RSBN1: variants seen among roughly 807,000 people sequenced by gnomAD.
RSBN1 encodes the protein round spermatid basic protein 1, also known as lysine-specific demethylase 9.
In RSBN1, 23 loss-of-function variants were observed where a neutral mutation model predicts 74.8. The observed-to-expected ratio is 0.31, with a 90% CI of 0.22 to 0.44. The LOEUF (loss-of-function observed/expected upper bound fraction) is 0.44. RSBN1 is among the 20% of genes least tolerant of loss of function. The probability of loss-of-function intolerance (pLI) is 1.00; values close to 1 mark genes in which losing one functional copy is unlikely to be tolerated. For synonymous variants in RSBN1, 407 were observed against 379.6 expected (o/e 1.07, Z -0.84); for missense variants, 808 against 1,020.9 (o/e 0.79, Z 2.84).
At chr1:113,804,480 C>T (rs1012833578) in intron 1 of RSBN1, among the ~76,000 whole-genome samples, 1 of 152,146 alleles carries the variant, frequency 6.6e-6, no homozygotes, top group Admixed American at 6.5e-5. Flanking sequence ...TTCTAACATA[C>T]TGCACCCTAC....
intron 5 of RSBN1, among the ~76,000 whole-genome samples, chr1:113,767,535 G>A (rs1659803943): frequency 6.6e-6 from 1 of 152,070 alleles, no homozygotes; most frequent in Non-Finnish European, 1.5e-5. Flanking sequence ...AATATAAAAT[G>A]GTTTAGCCAC....
chr1:113,768,178 T>C (rs756984111), intron 5 of RSBN1, 44 bp downstream of exon 5: 8 of 1,525,536 alleles, frequency 5.2e-6, no homozygotes, highest in South Asian at 1.2e-5. Context: ...CACATTGTCT[T>C]ATACAATATT....
chr1:113,779,998 C>T (rs1192794247), intron 2 of RSBN1, among the ~76,000 whole-genome samples: 5 of 151,190 alleles, frequency 3.3e-5, no homozygotes, highest in South Asian at 2.1e-4. Context: ...CCAGCCTGGG[C>T]GACAGGGCAA....
At chr1:113,792,871 G>C (rs1660393783) in intron 2 of RSBN1, among the ~76,000 whole-genome samples, 1 of 152,050 alleles carries the variant, frequency 6.6e-6, no homozygotes, top group Non-Finnish European at 1.5e-5. Flanking sequence ...ACTTTATAAA[G>C]TTATCCTGTA....
At chr1:113,811,660 G>C (rs904065642) in intron 1 of RSBN1, 50 bp downstream of exon 1, 3 of 1,519,350 alleles carry the variant, frequency 2.0e-6, no homozygotes, top group Middle Eastern at 1.8e-4. Flanking sequence ...GCGGGATATC[G>C]GAACTGAGAG....
chr1:113,781,232 T>G (rs1660134139), intron 2 of RSBN1, among the ~76,000 whole-genome samples: 1 of 152,236 alleles, frequency 6.6e-6, no homozygotes. Context: ...TATACCTTTT[T>G]CACATAAGAA....
chr1:113,768,526 T>C, intron 4 of RSBN1, 137 bp from the exon 5 acceptor site: 2 of 569,516 alleles, frequency 3.5e-6, no homozygotes, highest in South Asian at 5.2e-5. Flanking sequence ...AAGGGTTCAA[T>C]GATTATGATC....
intron 1 of RSBN1, among the ~76,000 whole-genome samples, chr1:113,811,110 G>C (rs543005366): frequency 6.6e-6 from 1 of 152,180 alleles, no homozygotes. Context: ...TCAAAGGGTA[G>C]AGAAAACCTT....
Position 113,778,288 on chromosome 1 carries a change from CT to C in RSBN1, c.1378-481del, listed in dbSNP as rs1157172067. Among the ~76,000 whole-genome samples the C allele has an allele frequency of 3.0e-3, 409 of 136,154 alleles. 2 individuals carry two copies. The highest frequency in any genetic ancestry group is 6.4e-3 in the African/African-American group (236 of 36,884). The allele number at this position is 136,154 out of a possible 152,430, so 89.3% of individuals were successfully genotyped here. Reference sequence around the variant, plus strand: ...CTCACTGTTACCAAGACAGGCCAATCTTTTTTTTTTTTTTTTCCTTTTTTTT... The same window carrying C: ...CTCACTGTTACCAAGACAGGCCAATCTTTTTTTTTTTTTTTCCTTTTTTTT... On this transcript the variant is annotated intron_variant, in intron 2 of 6. Coordinates refer to ENST00000261441, the MANE Select transcript of RSBN1 (RefSeq NM_018364.5).
chr1:113,771,810 CAAA>C (rs71779986), intron 4 of RSBN1, among the ~76,000 whole-genome samples: 2 of 75,332 alleles, frequency 2.7e-5, no homozygotes, highest in African/African-American at 6.0e-5. Context: ...GTTCCTACCT[CAAA>C]AAAAAAAAAA....
At chr1:113,776,767 A>C (rs145830874) in intron 4 of RSBN1, among the ~76,000 whole-genome samples, 1 of 149,470 alleles carries the variant, frequency 6.7e-6, no homozygotes, top group Non-Finnish European at 1.5e-5. Flanking sequence ...CTATGATTGT[A>C]CCACTGCACT....
chr1:113,796,516 T>C (rs944996031), intron 2 of RSBN1, among the ~76,000 whole-genome samples: 2 of 152,006 alleles, frequency 1.3e-5, no homozygotes, highest in African/African-American at 4.8e-5. Context: ...TATATATATA[T>C]TAAGGGAAAA....
chr1:113,806,876 GGTGGTGCACACGT>G (rs1307237086), intron 1 of RSBN1, among the ~76,000 whole-genome samples: 1 of 150,570 alleles, frequency 6.6e-6, no homozygotes, highest in Non-Finnish European at 1.5e-5. Context: ...AGCCAGGTGT[GGTGGTGCACACGT>G]GTGGTCTCAG....
At chr1:113,791,600 T>C (rs3789600) in intron 2 of RSBN1, among the ~76,000 whole-genome samples, 66,945 of 151,938 alleles carry the variant, frequency 0.44, 15,503 homozygotes, top group East Asian at 0.84. Flanking sequence ...AAGGAAAAAA[T>C]TAGCCAGCGA....
At chr1:113,771,147 C>A (rs536615765) in intron 4 of RSBN1, among the ~76,000 whole-genome samples, 1 of 151,980 alleles carries the variant, frequency 6.6e-6, no homozygotes, top group Admixed American at 6.5e-5. Context: ...AAATAGGATA[C>A]CTACAAAAGA....
rs181575548 is a variant in RSBN1 at position 113,779,070 on chromosome 1, A to G, written c.1378-1262T>C. Among the ~76,000 whole-genome samples, 3 of 152,350 alleles carry G rather than the reference A, an allele frequency of 2.0e-5. No individual in the cohort carries two copies. In the East Asian group the frequency reaches 5.8e-4, roughly 29 times the overall value. On this transcript the variant is annotated intron_variant, in intron 2 of 6. Transcript: ENST00000261441. ...AATGCTGTATTTAACCAGAATTTCC[A>G]CTTCAGATCAGTTACCTAGCATTTT...
chr1:113,807,573 A>T (rs1197936246), intron 1 of RSBN1, among the ~76,000 whole-genome samples: 1 of 151,940 alleles, frequency 6.6e-6, no homozygotes, highest in Non-Finnish European at 1.5e-5. Flanking sequence ...CAGCCTGGCC[A>T]ACACAGTGAA....
chr1:113,797,947 C>T lies in RSBN1; in HGVS notation c.793G>A (p.Asp265Asn). The T allele has an allele frequency of 1.2e-6, 2 of 1,613,756 alleles. No homozygotes were observed. Among genetic ancestry groups the T allele is most frequent in the East Asian group, 2.2e-5 (1 of 44,880 alleles). The change falls in exon 2 of 7, where the codon GAC becomes AAC. Residue 265 changes from aspartate to asparagine, a missense_variant. Physicochemically the swap from Asp to Asn is conservative, Grantham distance 23. Around this residue, in one of 6 missense-constraint regions of RSBN1, gnomAD observed 464 missense variants for 401.0 expected, o/e 1.16. Coordinates refer to ENST00000261441, the MANE Select transcript of RSBN1 (RefSeq NM_018364.5). ...ATTTTAAGGCGTCTTCCTCGCATGT[C>T]TTCTCGGTGTTTCTTTTTCTTTTTC... The part of the protein sequence containing the change: ...KKKKKKKHRE[D>N]MRGRRLKMYN...
intron 2 of RSBN1, among the ~76,000 whole-genome samples, chr1:113,787,785 A>G (rs944367926): frequency 2.0e-5 from 3 of 152,190 alleles, no homozygotes; most frequent in Non-Finnish European, 2.9e-5. Context: ...CCAAGAAACA[A>G]TATCTTTAAA....
Sources: gnomAD v4.1 joint callset for allele counts (sites outside exome capture counted in the v4.1 genomes callset) on GRCh38, gnomAD v4.1.1 for gene constraint, gnomAD v4.1.1 regional missense constraint, MANE v1.5 for transcripts, NCBI Gene and HGNC (gene_info 2026-07-23, HGNC 2026-07-21) for gene names.